The following CATSPERD variants were observed in gnomAD, a reference collection of about 807,000 sequenced individuals.
CATSPERD encodes catsper channel auxiliary subunit delta, also known as cation channel sperm-associated auxiliary subunit delta.
In CATSPERD, 86 loss-of-function variants were observed where a neutral mutation model predicts 98.1. The ratio of observed to expected loss-of-function variants is 0.88; its 90% CI spans 0.74 to 1.05. CATSPERD has a LOEUF of 1.05. Among genes scored for constraint, CATSPERD ranks in the 50% least tolerant of loss-of-function variants. The probability of loss-of-function intolerance (pLI) is 0.00; values close to 1 mark genes in which losing one functional copy is unlikely to be tolerated. For synonymous variants in CATSPERD, 394 were observed against 390.2 expected, an observed-to-expected ratio of 1.01 and a Z score of -0.12; for missense variants, 995 against 1,005.7, an observed-to-expected ratio of 0.99 and a Z score of 0.14.
intron 5 of CATSPERD, among the ~76,000 whole-genome samples, chr19:5,735,873 T>C (rs112982564): frequency 0.1 from 15,076 of 149,698 alleles, 1,341 homozygotes; most frequent in African/African-American, 0.24. Flanking sequence ...CTCCGCCTCC[T>C]GGGTTCATGC....
At chr19:5,773,239 CT>C (rs2056683696) in intron 20 of CATSPERD, among the ~76,000 whole-genome samples, 1 of 152,156 alleles carries the variant, frequency 6.6e-6, no homozygotes, top group South Asian at 2.1e-4. Context: ...GTACTCCCAG[CT>C]ACTCAGGAGA....
intron 13 of CATSPERD, among the ~76,000 whole-genome samples, chr19:5,757,586 C>T (rs1179957351): frequency 2.7e-5 from 4 of 147,542 alleles, no homozygotes; most frequent in East Asian, 2.1e-4. Context: ...CGTGAGCCAC[C>T]GCGCCTGGCC....
In CATSPERD at chr19:5,749,199, G is replaced by A; in HGVS notation, c.987+16G>A. 11 of 1,597,512 alleles carry A rather than the reference G, an allele frequency of 6.9e-6. No homozygotes were observed. Among genetic ancestry groups the A allele is most frequent in the Non-Finnish European group, 9.4e-6 (11 of 1,167,454 alleles). On this transcript the variant is annotated intron_variant, in intron 11 of 21. Coordinates refer to ENST00000381624, the MANE Select transcript of CATSPERD (RefSeq NM_152784.4). ...CATAATCAAAGTAGGTAAAAAGAAA[G>A]TGGGGTTATGGGCTGGGCACGGTGG...
chr19:5,778,292 G>T, intron 21 of CATSPERD, 84 bp from the exon 22 acceptor site: 1 of 1,233,882 alleles, frequency 8.1e-7, no homozygotes, highest in Admixed American at 2.0e-5. Flanking sequence ...TCCCTCCTGT[G>T]GGTCTGAACA....
At chr19:5,744,786 A>G (rs933833933) in intron 8 of CATSPERD, among the ~76,000 whole-genome samples, 3 of 151,696 alleles carry the variant, frequency 2.0e-5, no homozygotes, top group African/African-American at 7.3e-5. Flanking sequence ...TTTTTAGTAG[A>G]GATAGGGTTT....
intron 4 of CATSPERD, among the ~76,000 whole-genome samples, chr19:5,730,948 C>T (rs1019508446): frequency 2.6e-4 from 39 of 151,678 alleles, no homozygotes; most frequent in African/African-American, 9.0e-4. Context: ...TTGCAGTGAG[C>T]CGAGATCGCG....
chr19:5,728,705 C>CT (rs201059226), intron 3 of CATSPERD, among the ~76,000 whole-genome samples: 42,825 of 145,014 alleles, frequency 0.3, 6,164 homozygotes, highest in Middle Eastern at 0.33. Flanking sequence ...CTCTCTCTCT[C>CT]TTTTTTTTTT....
At chr19:5,731,022 G>A (rs2055705729) in intron 4 of CATSPERD, among the ~76,000 whole-genome samples, 1 of 151,134 alleles carries the variant, frequency 6.6e-6, no homozygotes, top group Non-Finnish European at 1.5e-5. Flanking sequence ...AACCCAGGAG[G>A]CGGAGCTTGT....
intron 16 of CATSPERD, among the ~76,000 whole-genome samples, chr19:5,765,016 T>C (rs1054436816): frequency 2.6e-5 from 4 of 151,884 alleles, no homozygotes; most frequent in African/African-American, 9.7e-5. Flanking sequence ...GCTCAAGTGA[T>C]CTTCCTGCCT....
At chr19:5,760,478 C>T (rs1431517913) in intron 15 of CATSPERD, among the ~76,000 whole-genome samples, 2 of 149,188 alleles carry the variant, frequency 1.3e-5, no homozygotes, top group East Asian at 2.0e-4. Flanking sequence ...ATGCTCAGTG[C>T]AATAAGCCGG....
intron 10 of CATSPERD, 59 bp from the exon 11 acceptor site, chr19:5,749,042 T>C (rs1254321960): frequency 4.8e-6 from 7 of 1,459,650 alleles, no homozygotes; most frequent in Non-Finnish European, 6.7e-6. Flanking sequence ...ACTTATGTTT[T>C]TGTCCACAGA....
intron 1 of CATSPERD, among the ~76,000 whole-genome samples, chr19:5,722,532 T>C (rs918997011): frequency 1.3e-5 from 2 of 152,198 alleles, no homozygotes; most frequent in Non-Finnish European, 2.9e-5. Flanking sequence ...AATTTACTAA[T>C]AGGATTTGTC....
intron 16 of CATSPERD, among the ~76,000 whole-genome samples, chr19:5,763,847 C>CTTTTTTTTTTT (rs56352544): frequency 0.023 from 1,436 of 62,026 alleles, 230 homozygotes; most frequent in East Asian, 0.033. Flanking sequence ...TCTTGAACTC[C>CTTTTTTTTTTT]TTTTTTTTTT....
At chr19:5,754,286 C>A in intron 13 of CATSPERD, 41 bp downstream of exon 13, 1 of 1,437,952 alleles carries the variant, frequency 7.0e-7, no homozygotes, top group Non-Finnish European at 9.8e-7. Context: ...GGATTCTCAG[C>A]CACATGCCTG....
At chr19:5,762,103 G>A (rs549572657) in intron 15 of CATSPERD, among the ~76,000 whole-genome samples, 12 of 102,100 alleles carry the variant, frequency 1.2e-4, no homozygotes, top group South Asian at 7.2e-4. Flanking sequence ...TCACTCTGTC[G>A]CCCAGGCTGG....
At chr19:5,735,414 G>A (rs1428674546) in intron 5 of CATSPERD, among the ~76,000 whole-genome samples, 1 of 152,144 alleles carries the variant, frequency 6.6e-6, no homozygotes, top group Non-Finnish European at 1.5e-5. Flanking sequence ...GGGTTCAAGC[G>A]ATTCTCCTGC....
intron 1 of CATSPERD, among the ~76,000 whole-genome samples, chr19:5,723,235 C>A (rs2145666291): frequency 6.6e-6 from 1 of 150,926 alleles, no homozygotes; most frequent in Admixed American, 6.6e-5. Flanking sequence ...TTTCAGAAAT[C>A]ATTTCTACAT....
At chr19:5,733,095 G>A (rs753771906) in intron 4 of CATSPERD, among the ~76,000 whole-genome samples, 1 of 151,352 alleles carries the variant, frequency 6.6e-6, no homozygotes, top group Non-Finnish European at 1.5e-5. Context: ...CTGGGTTCAA[G>A]CAATTCTCCT....
At chr19:5,721,033 C>T in intron 1 of CATSPERD, among the ~76,000 whole-genome samples, 1 of 148,520 alleles carries the variant, frequency 6.7e-6, no homozygotes, top group Non-Finnish European at 1.5e-5. Flanking sequence ...GAGTCTCGCT[C>T]TGTCGCCCAG....
Sources: allele counts gnomAD v4.1 joint callset (sites outside exome capture counted in the v4.1 genomes callset), GRCh38; gene constraint gnomAD v4.1.1; transcripts MANE v1.5; gene names NCBI Gene and HGNC (gene_info 2026-07-23, HGNC 2026-07-21).